Variants in TOP2B observed in about 807,000 individuals in gnomAD.
TOP2B encodes DNA topoisomerase 2-beta.
TOP2B carries 51 observed loss-of-function variants against 193.5 expected under a neutral mutation model. That is an observed-to-expected ratio of 0.26 (90% CI 0.21 to 0.33). TOP2B has a LOEUF of 0.33. Ranked by LOEUF, TOP2B falls within the 10% of genes least tolerant of loss-of-function variation. TOP2B has a pLI of 1.00. For synonymous variants in TOP2B, 634 were observed against 635.7 expected, an observed-to-expected ratio of 1.00 and a Z score of 0.04; for missense variants, 1,378 against 1,909.3, an observed-to-expected ratio of 0.72 and a Z score of 5.19.
intron 1 of TOP2B, among the ~76,000 whole-genome samples, chr3:25,652,768 C>A (rs376504098): frequency 6.7e-6 from 1 of 150,374 alleles, no homozygotes; most frequent in African/African-American, 2.5e-5. Flanking sequence ...AGAAACTAAA[C>A]CAAATTAATG....
In TOP2B at chr3:25,626,775, T is replaced by G; in HGVS notation, c.2106A>C (p.Pro702=). Residue 702 remains proline, a synonymous_variant, in exon 17 of 36, where the codon CCA becomes CCC. Transcript: ENST00000264331. ...GTCACCACTCTTTAAGACTAACCTC[T>G]GGTAAGCCATGTAGCCTACGCTGTC... ...DRRQRRLHGL[P]EQFLYGTATK... The G allele has an allele frequency of 6.2e-7, 1 of 1,606,870 alleles. No homozygotes were observed. Among genetic ancestry groups the G allele is most frequent in the Non-Finnish European group, 8.5e-7 (1 of 1,175,954 alleles).
At chr3:25,643,911 C>A in intron 2 of TOP2B, 127 bp from the exon 3 acceptor site, 1 of 614,194 alleles carries the variant, frequency 1.6e-6, no homozygotes, top group Non-Finnish European at 2.9e-6. Context: ...AAAACATATA[C>A]AACTTCAGTA....
chr3:25,607,438 A>G (rs958568375), intron 30 of TOP2B, 63 bp from the exon 31 acceptor site: 55 of 1,486,288 alleles, frequency 3.7e-5, no homozygotes, highest in Non-Finnish European at 4.7e-5. Context: ...ATGAATTATT[A>G]TTACTGATAA....
In TOP2B at chr3:25,609,718, T is replaced by A. The variant is rs1389897971; in HGVS notation, c.3787-6A>T. 1 of 1,433,158 alleles carries A rather than the reference T, an allele frequency of 7.0e-7. No homozygotes were observed. Among genetic ancestry groups the A allele is most frequent in the East Asian group, 2.7e-5 (1 of 37,206 alleles). 88.8% of individuals were successfully genotyped at this position (1,433,158 alleles called of 1,614,324 possible). Reference sequence around the variant, plus strand: ...GCTGCAGTATCAAGATCACCCTACATAATAAAAAGAAAATCAAGCCACGAG... The same window carrying A: ...GCTGCAGTATCAAGATCACCCTACAAAATAAAAAGAAAATCAAGCCACGAG... On this transcript the variant is annotated splice_region_variant and splice_polypyrimidine_tract_variant and intron_variant, in intron 28 of 35. Coordinates refer to ENST00000264331, the MANE Select transcript of TOP2B (RefSeq NM_001330700.2).
chr3:25,648,100 C>A (rs1030377053), intron 1 of TOP2B, among the ~76,000 whole-genome samples: 1 of 152,242 alleles, frequency 6.6e-6, no homozygotes, highest in Non-Finnish European at 1.5e-5. Context: ...TCCAATGGAA[C>A]AGCTGAGGGC....
chr3:25,648,188 C>G (rs945818940), intron 1 of TOP2B, among the ~76,000 whole-genome samples: 5 of 152,192 alleles, frequency 3.3e-5, no homozygotes, highest in African/African-American at 9.7e-5. Context: ...CCATTGAAAA[C>G]AAAAGCAAAG....
rs1702722531 is a variant in TOP2B, at chr3:25,623,728, A to C, written c.2514T>G (p.Leu838=). The C allele has an allele frequency of 6.2e-7, 1 of 1,612,992 alleles. No individual in the cohort carries two copies. Among genetic ancestry groups the C allele is most frequent in the Non-Finnish European group, 8.5e-7 (1 of 1,179,208 alleles). Residue 838 remains leucine, a synonymous_variant, in exon 21 of 36, where the codon CTT becomes CTG. Coordinates refer to ENST00000264331, the MANE Select transcript of TOP2B (RefSeq NM_001330700.2). ...FTMLSTLARL[L]FPAVDDNLLK... is the part of the protein sequence containing the mutation. Reference sequence around the variant, plus strand: ...GGAGGTTGTCATCCACAGCAGGAAAAAGTAGCCTTGCTAAAGTGCTAATGA... The same window carrying C: ...GGAGGTTGTCATCCACAGCAGGAAACAGTAGCCTTGCTAAAGTGCTAATGA...
chr3:25,643,254 G>C (rs553230356), intron 3 of TOP2B, among the ~76,000 whole-genome samples: 1 of 152,278 alleles, frequency 6.6e-6, no homozygotes, highest in Non-Finnish European at 1.5e-5. Flanking sequence ...AGAGGACAGA[G>C]ATCATTTACA....
chr3:25,607,683 C>T (rs1041021503), intron 30 of TOP2B, among the ~76,000 whole-genome samples: 2 of 152,170 alleles, frequency 1.3e-5, no homozygotes, highest in African/African-American at 2.4e-5. Flanking sequence ...GTCAATATGG[C>T]CTTGTCTCAT....
At position 25,616,466 on chromosome 3, in the gene TOP2B, T is replaced by A. The variant is rs527836081; in HGVS notation, c.3352-880A>T. On this transcript the variant is annotated intron_variant, in intron 25 of 35. Coordinates refer to ENST00000264331, the MANE Select transcript of TOP2B (RefSeq NM_001330700.2). The stretch of plus-strand genomic sequence containing the variant: ...AAATTTGTAAGCAAAACAATGTATA[T>A]ACACAAAGTACAGTTTACGTGTACT... 1.8e-4 allele frequency among the ~76,000 whole-genome samples: 27 copies of A among 148,616 alleles called. No homozygotes were observed. In the East Asian group the frequency reaches 4.3e-3, roughly 24 times the overall value.
chr3:25,647,317 CAA>C (rs1409629910), intron 1 of TOP2B, among the ~76,000 whole-genome samples: 1 of 151,982 alleles, frequency 6.6e-6, no homozygotes, highest in African/African-American at 2.4e-5. Flanking sequence ...ATAGTTAGAA[CAA>C]AGATCATAAT....
chr3:25,611,642 C>T (rs753855697), intron 28 of TOP2B, among the ~76,000 whole-genome samples: 2 of 152,096 alleles, frequency 1.3e-5, no homozygotes, highest in African/African-American at 2.4e-5. Context: ...TTCCTTCTTC[C>T]GGCTAACTCT....
chr3:25,603,924 A>C (rs1702173085), intron 33 of TOP2B, among the ~76,000 whole-genome samples: 1 of 152,236 alleles, frequency 6.6e-6, no homozygotes, highest in African/African-American at 2.4e-5. Flanking sequence ...GGAAGTCCTC[A>C]GGCAACGAAA....
intron 1 of TOP2B, among the ~76,000 whole-genome samples, chr3:25,651,530 T>C (rs1313097158): frequency 6.7e-6 from 1 of 149,462 alleles, no homozygotes; most frequent in Admixed American, 6.6e-5. Context: ...TATAAAAAAA[T>C]AATCAAAATG....
intron 5 of TOP2B, 75 bp from the exon 6 acceptor site, chr3:25,637,387 G>A: frequency 9.3e-7 from 1 of 1,072,164 alleles, no homozygotes; most frequent in Non-Finnish European, 1.4e-6. Context: ...CCACCATACG[G>A]CAAGGCTGTT....
chr3:25,656,774 A>G (rs766944164), intron 1 of TOP2B, among the ~76,000 whole-genome samples: 11 of 152,242 alleles, frequency 7.2e-5, no homozygotes, highest in Non-Finnish European at 1.6e-4. Flanking sequence ...AATAAAAATT[A>G]TCTATAGAGT....
At chr3:25,602,509 A>G (rs1294696942) in intron 33 of TOP2B, among the ~76,000 whole-genome samples, 1 of 151,998 alleles carries the variant, frequency 6.6e-6, no homozygotes, top group Non-Finnish European at 1.5e-5. Context: ...AAAAAAAAAA[A>G]AAAACCTACA....
intron 1 of TOP2B, among the ~76,000 whole-genome samples, chr3:25,648,975 A>C (rs1229814483): frequency 6.6e-6 from 1 of 152,248 alleles, no homozygotes; most frequent in Non-Finnish European, 1.5e-5. Context: ...AAATGAGTAC[A>C]GATGAACAAA....
chr3:25,653,310 GACAGAACAAGAGGACT>G (rs1703648034), intron 1 of TOP2B, among the ~76,000 whole-genome samples: 1 of 152,016 alleles, frequency 6.6e-6, no homozygotes. Flanking sequence ...AAAACTAGAA[GACAGAACAAGAGGACT>G]ACAGAACAAT....
Sources: gnomAD v4.1 joint callset for allele counts (sites outside exome capture counted in the v4.1 genomes callset) on GRCh38, gnomAD v4.1.1 for gene constraint, MANE v1.5 for transcripts, NCBI Gene and HGNC (gene_info 2026-07-23, HGNC 2026-07-21) for gene names.